DPY19L2: variants seen among roughly 807,000 people sequenced by gnomAD.
DPY19L2 encodes dpy-19 like 2.
Under a neutral mutation model 97.9 loss-of-function variants are expected in DPY19L2, and 34 were observed. That is an observed-to-expected ratio of 0.35 (90% confidence interval 0.26 to 0.46). DPY19L2 has a LOEUF of 0.46. Ranked by LOEUF, DPY19L2 falls within the 20% of genes least tolerant of loss-of-function variation. DPY19L2 has a pLI of 1.00. For missense variants in DPY19L2, 623 were observed against 911.4 expected (o/e 0.68, Z 4.07); for synonymous variants, 230 against 307.9 (o/e 0.75, Z 2.65).
intron 8 of DPY19L2, chr12:63,623,701 A>AAT (rs1484361125): frequency 1.4e-5 from 3 of 218,562 alleles, no homozygotes; most frequent in East Asian, 1.0e-4. Flanking sequence ...GTATATATGT[A>AAT]ATATATATAT....
intron 12 of DPY19L2, among the ~76,000 whole-genome samples, chr12:63,602,889 AAAAT>A (rs1885407501): frequency 1.3e-5 from 2 of 152,212 alleles, no homozygotes; most frequent in Non-Finnish European, 2.9e-5. Context: ...CAAAAAGTTT[AAAAT>A]AAAAGAGAAT....
At chr12:63,624,651 A>G (rs1889235299) in intron 7 of DPY19L2, among the ~76,000 whole-genome samples, 1 of 152,188 alleles carries the variant, frequency 6.6e-6, no homozygotes, top group African/African-American at 2.4e-5. Context: ...AAAAAAGGTT[A>G]AGTATATATT....
intron 19 of DPY19L2, among the ~76,000 whole-genome samples, chr12:63,575,072 A>C (rs1253178520): frequency 1.3e-5 from 2 of 152,038 alleles, no homozygotes; most frequent in Non-Finnish European, 2.9e-5. Context: ...TAGGCCACAA[A>C]ACAAGCCTTA....
chr12:63,634,028 AC>A (rs753026295), intron 6 of DPY19L2, among the ~76,000 whole-genome samples: 1 of 149,960 alleles, frequency 6.7e-6, no homozygotes, highest in Non-Finnish European at 1.5e-5. Flanking sequence ...ACACATGGAC[AC>A]AGGAAGGGGA....
At chr12:63,634,629 A>T (rs1456889813) in intron 6 of DPY19L2, among the ~76,000 whole-genome samples, 2 of 151,980 alleles carry the variant, frequency 1.3e-5, no homozygotes, top group Admixed American at 1.3e-4. Flanking sequence ...ACACCAGGAG[A>T]TTACATCCCG....
At chr12:63,571,651 T>A (rs141949386) in intron 19 of DPY19L2, among the ~76,000 whole-genome samples, 2 of 152,242 alleles carry the variant, frequency 1.3e-5, no homozygotes, top group Non-Finnish European at 2.9e-5. Context: ...ATCTTTAAGT[T>A]CTCAGAGTTA....
intron 19 of DPY19L2, 27 bp downstream of exon 19, chr12:63,580,635 C>G: frequency 6.4e-7 from 1 of 1,573,714 alleles, no homozygotes; most frequent in Non-Finnish European, 8.6e-7. Context: ...TTGTATAAAA[C>G]TAGCATATAA....
chr12:63,617,496 A>G (rs1261071308), intron 10 of DPY19L2, 106 bp from the exon 11 acceptor site: 1 of 676,854 alleles, frequency 1.5e-6, no homozygotes, highest in African/African-American at 1.9e-5. Context: ...TTGCATAAAG[A>G]TGAATGACTC....
chr12:63,583,988 A>G, intron 16 of DPY19L2, 152 bp from the exon 17 acceptor site: 1 of 581,044 alleles, frequency 1.7e-6, no homozygotes, highest in South Asian at 2.7e-5. Context: ...ATATCAGATA[A>G]TAGTACAAAA....
intron 19 of DPY19L2, among the ~76,000 whole-genome samples, chr12:63,577,090 C>T (rs1228847142): frequency 6.6e-6 from 1 of 151,868 alleles, no homozygotes; most frequent in South Asian, 2.1e-4. Context: ...AACAGACACA[C>T]AGACCAGTGG....
At chr12:63,645,750 CA>C (rs748344522) in intron 5 of DPY19L2, among the ~76,000 whole-genome samples, 48 of 152,276 alleles carry the variant, frequency 3.2e-4, no homozygotes, top group Non-Finnish European at 3.8e-4. Flanking sequence ...CATACCCAGG[CA>C]TTTCCACATT....
intron 6 of DPY19L2, among the ~76,000 whole-genome samples, chr12:63,632,657 T>A (rs532294039): frequency 1.7e-3 from 256 of 152,230 alleles, no homozygotes; most frequent in Non-Finnish European, 3.2e-3. Flanking sequence ...ATTTATAGAT[T>A]CAATGGAATC....
At position 63,624,035 on chromosome 12, in the gene DPY19L2, G is replaced by A; in HGVS notation, c.953+5C>T. The A allele has an allele frequency of 6.3e-7, 1 of 1,599,924 alleles. No individual in the cohort carries two copies. Among genetic ancestry groups the A allele is most frequent in the East Asian group, 2.2e-5 (1 of 44,780 alleles). The stretch of plus-strand genomic sequence containing the variant: ...ATTTGCCTTCGTTTTATAAATCGAA[G>A]TTACCTGAGAATCAAAGTTAAAATA... On this transcript the variant is annotated splice_donor_5th_base_variant and intron_variant, in intron 8 of 21. Transcript: ENST00000324472.
At chr12:63,609,512 C>T (rs1392950076) in intron 11 of DPY19L2, among the ~76,000 whole-genome samples, 1 of 152,156 alleles carries the variant, frequency 6.6e-6, no homozygotes, top group Admixed American at 6.5e-5. Context: ...ATGTCTCTCT[C>T]TACCATGTCA....
chr12:63,649,171 A>G, intron 4 of DPY19L2, among the ~76,000 whole-genome samples: 1 of 152,182 alleles, frequency 6.6e-6, no homozygotes, highest in East Asian at 1.9e-4. Flanking sequence ...GCTGGAACAC[A>G]GCTAAAGCAG....
intron 6 of DPY19L2, among the ~76,000 whole-genome samples, chr12:63,636,799 C>T (rs894635379): frequency 3.9e-5 from 6 of 152,090 alleles, no homozygotes; most frequent in African/African-American, 1.2e-4. Context: ...CCCTTAGAGA[C>T]CTGCAAAGAG....
At position 63,582,445 on chromosome 12, in the gene DPY19L2, C is replaced by T. The variant is rs762616648; in HGVS notation, c.1686G>A (p.Pro562=). ...TCAAGGAAGCCATAACACACATGTG[C>T]GGTGTCAAAAACATCTTTAGCCTCA... The part of the protein sequence containing the change: ...LIMRLKMFLT[P]HMCVMASLIC... The change falls in exon 18 of 22, where the codon CCG becomes CCA. Residue 562 remains proline (P), a synonymous_variant. Transcript: ENST00000324472. 3.3e-5 allele frequency: 53 copies of T among 1,613,264 alleles called. No homozygotes were observed. In the African/African-American group the frequency reaches 4.3e-4, roughly 13 times the overall value.
chr12:63,651,842 GTAGT>G (rs1412349522), intron 4 of DPY19L2: 1 of 327,610 alleles, frequency 3.1e-6, no homozygotes, highest in African/African-American at 2.2e-5. Context: ...GCAGCGATGG[GTAGT>G]TAGATTTCCC....
intron 14 of DPY19L2, among the ~76,000 whole-genome samples, chr12:63,596,264 A>G (rs1363674841): frequency 6.6e-6 from 1 of 152,026 alleles, no homozygotes; most frequent in Non-Finnish European, 1.5e-5. Flanking sequence ...AAAATTTATT[A>G]TTTTAATAAA....
Sources: gnomAD v4.1 joint callset for allele counts (sites outside exome capture counted in the v4.1 genomes callset) on GRCh38, gnomAD v4.1.1 for gene constraint, MANE v1.5 for transcripts, NCBI Gene and HGNC (gene_info 2026-07-23, HGNC 2026-07-21) for gene names.